The following CD81 variants were observed in gnomAD, a reference collection of about 807,000 sequenced individuals.
CD81 encodes the protein CD81 antigen.
Under a neutral mutation model 30.1 loss-of-function variants are expected in CD81, and 10 were observed. That is an observed-to-expected ratio of 0.33 (90% CI 0.21 to 0.56). The LOEUF is 0.56. Among genes scored for constraint, CD81 ranks in the 20% least tolerant of loss-of-function variants. CD81 has a pLI of 0.89. For missense variants in CD81, 263 were observed against 308.7 expected (o/e 0.85, Z 1.11); for synonymous variants, 147 against 126.4 (o/e 1.16, Z -1.10).
intron 6 of CD81, 28 bp downstream of exon 6, chr11:2,395,998 G>T (rs1470033925): frequency 1.3e-6 from 2 of 1,484,588 alleles, no homozygotes; most frequent in Non-Finnish European, 9.4e-7. Flanking sequence ...GGCCGCGCCT[G>T]ACCCCCCGCA....
At chr11:2,391,420 G>A (rs1052694459) in intron 2 of CD81, 1 of 152,602 alleles carries the variant, frequency 6.6e-6, no homozygotes, top group Non-Finnish European at 1.5e-5. Context: ...CAGGGCCCCA[G>A]GAGGCCGAAA....
At chr11:2,383,070 C>T (rs568450980) in intron 1 of CD81, among the ~76,000 whole-genome samples, 1 of 152,330 alleles carries the variant, frequency 6.6e-6, no homozygotes, top group East Asian at 1.9e-4. Context: ...GGAAGTGACT[C>T]CTCACATCCC....
At position 2,388,030 on chromosome 11, in the gene CD81, G is replaced by A. The variant is rs72556505; in HGVS notation, c.67-2382G>A. Among the ~76,000 whole-genome samples, 649 of 152,246 alleles carry A rather than the reference G, an allele frequency of 4.3e-3. 2 individuals are homozygous for A. Among genetic ancestry groups the A allele is most frequent in the South Asian group, 0.016 (76 of 4,820 alleles). On this transcript the variant is annotated intron_variant, in intron 1 of 7. Coordinates refer to ENST00000263645, the MANE Select transcript of CD81 (RefSeq NM_004356.4). ...TGGGGTGAGAGCCCCGTGGCTGCTG[G>A]CACCAGCAGCCCCTATGAGGCTTAT...
In CD81 at chr11:2,377,598, T is replaced by C. The variant is rs1046814935; in HGVS notation, c.49T>C (p.Phe17Leu). The part of the protein sequence containing the change: ...TKCIKYLLFV[F>L]NFVFWLAGGV... ...GTGCATCAAGTACCTGCTCTTCGTC[T>C]TCAATTTCGTCTTCTGGGTAAGGGC... Residue 17 changes from phenylalanine (F) to leucine (L), a missense_variant, in exon 1 of 8, where the codon TTC becomes CTC. Physicochemically the swap from Phe to Leu is conservative, Grantham distance 22. This residue lies in a region of CD81 where 84 missense variants were observed against 98.2 expected (regional missense o/e 0.86). Coordinates refer to ENST00000263645, the MANE Select transcript of CD81 (RefSeq NM_004356.4). This position sits in a 1 kb window ranked among gnomAD's most constrained non-coding sequence, Gnocchi z 7.7. 3.2e-6 allele frequency: 5 copies of C among 1,543,284 alleles called. No homozygotes were observed. The highest frequency in any genetic ancestry group is 3.7e-5 in the Admixed American group (2 of 54,134).
intron 1 of CD81, among the ~76,000 whole-genome samples, chr11:2,384,493 C>T (rs1589847410): frequency 2.6e-5 from 2 of 76,000 alleles, no homozygotes; most frequent in South Asian, 5.2e-4. Context: ...TGGGGTAGGG[C>T]GGCTTGTGGG....
chr11:2,385,960 T>C, intron 1 of CD81: 3 of 691,512 alleles, frequency 4.3e-6, no homozygotes, highest in Non-Finnish European at 8.2e-6. Context: ...TGGGTTTCAC[T>C]GCTTAAGCAG....
At chr11:2,392,108 C>T (rs964782326) in intron 2 of CD81, 3 of 152,256 alleles carry the variant, frequency 2.0e-5, no homozygotes. Flanking sequence ...GCCCCTGCCA[C>T]CGAGTCCCCT....
At chr11:2,380,513 C>T (rs1849687099) in intron 1 of CD81, among the ~76,000 whole-genome samples, 1 of 152,164 alleles carries the variant, frequency 6.6e-6, no homozygotes, top group South Asian at 2.1e-4. Flanking sequence ...AAGGTCTGGG[C>T]AGCATGCACC....
At chr11:2,380,213 C>A (rs1450073138) in intron 1 of CD81, among the ~76,000 whole-genome samples, 1 of 152,120 alleles carries the variant, frequency 6.6e-6, no homozygotes, top group African/African-American at 2.4e-5. Context: ...GGGAACCCTG[C>A]AGGGTCCAGA....
Position 2,378,147 on chromosome 11 carries a change from A to G in CD81, c.66+532A>G, listed in dbSNP as rs1205911753. The stretch of plus-strand genomic sequence containing the variant: ...GGGCGATCCGCCTCACTCTTTCCCC[A>G]GCCCAGCTCACTCTCCAATCTGCGG... On this transcript the variant is annotated intron_variant, in intron 1 of 7. Coordinates refer to ENST00000263645, the MANE Select transcript of CD81 (RefSeq NM_004356.4). The surrounding 1 kb of genome is among the most constrained non-coding windows in gnomAD (Gnocchi z 4.9). Among the ~76,000 whole-genome samples the G allele has an allele frequency of 6.6e-6, 1 of 151,936 alleles. No individual in the cohort carries two copies. Among genetic ancestry groups the G allele is most frequent in the African/African-American group, 2.4e-5 (1 of 41,378 alleles).
chr11:2,397,250 A>G lies in CD81; in HGVS notation c.*384A>G, dbSNP rs1439746294. 3 of 325,218 alleles carry G rather than the reference A, an allele frequency of 9.2e-6. No individual in the cohort carries two copies. Among genetic ancestry groups the G allele is most frequent in the African/African-American group, 4.3e-5 (2 of 46,258 alleles). 20.1% of individuals were successfully genotyped at this position (325,218 alleles called of 1,614,324 possible). A position where few individuals can be genotyped will look rare whatever the true frequency, so the allele number is the denominator to read the frequency against. ...GCCCGTCCTGTGGGCTGCACAGCTC[A>G]CCTTGTTCCCTCCTGCCCCGGTTCG... On this transcript the variant is annotated 3_prime_UTR_variant, in exon 8 of 8. Coordinates refer to ENST00000263645, the MANE Select transcript of CD81 (RefSeq NM_004356.4).
At chr11:2,395,632 T>A in intron 5 of CD81, 112 bp downstream of exon 5, 4 of 890,662 alleles carry the variant, frequency 4.5e-6, no homozygotes, top group Non-Finnish European at 7.2e-6. Flanking sequence ...GGAGGTGCCC[T>A]TGGGACCTCC....
intron 2 of CD81, chr11:2,390,942 AGGGGAGGGGT>A: frequency 6.7e-6 from 1 of 150,146 alleles, no homozygotes; most frequent in Admixed American, 9.3e-5. Context: ...GAGACGGGGC[AGGGGAGGGGT>A]GGAGAGGGGT....
chr11:2,390,882 C>T (rs1049479028), intron 2 of CD81, among the ~76,000 whole-genome samples: 3 of 96,118 alleles, frequency 3.1e-5, no homozygotes, highest in East Asian at 6.7e-4. Context: ...CTGTGGAGCC[C>T]GGGAGGGAGG....
intron 1 of CD81, chr11:2,386,780 C>T: frequency 3.1e-6 from 2 of 642,808 alleles, no homozygotes; most frequent in Non-Finnish European, 2.9e-6. Flanking sequence ...TCCCTCCCAC[C>T]CCCTCCTGGC....
intron 5 of CD81, 31 bp from the exon 6 acceptor site, chr11:2,395,827 TGGGCACATCCA>T: frequency 7.2e-7 from 1 of 1,389,436 alleles, no homozygotes; most frequent in Non-Finnish European, 1.0e-6. Flanking sequence ...ACCGTCCCCC[TGGGCACATCCA>T]GGGCTGACCT....
intron 4 of CD81, 133 bp from the exon 5 acceptor site, chr11:2,395,283 T>C (rs1164413774): frequency 2.2e-5 from 17 of 782,076 alleles, no homozygotes; most frequent in Non-Finnish European, 3.5e-5. Flanking sequence ...AGAGTCCTTG[T>C]CCTCTGGGGT....
Position 2,377,693 on chromosome 11 carries a change from T to C in CD81, c.66+78T>C. On this transcript the variant is annotated intron_variant, in intron 1 of 7. Coordinates refer to ENST00000263645, the MANE Select transcript of CD81 (RefSeq NM_004356.4). This position sits in a 1 kb window ranked among gnomAD's most constrained non-coding sequence, Gnocchi z 7.7. ...TTGGGCAGGTCCCGCGGCAGCGTGC[T>C]AGGCCCCGCGGGCGCAGCGCGGGCC... The C allele has an allele frequency of 1.0e-6, 1 of 971,118 alleles. No individual in the cohort carries two copies. The highest frequency in any genetic ancestry group is 1.4e-6 in the Non-Finnish European group (1 of 691,078). 60.2% of individuals were successfully genotyped at this position (971,118 alleles called of 1,614,324 possible). A position where few individuals can be genotyped will look rare whatever the true frequency, so the allele number is the denominator to read the frequency against.
At chr11:2,382,866 A>G (rs1290079731) in intron 1 of CD81, among the ~76,000 whole-genome samples, 1 of 152,108 alleles carries the variant, frequency 6.6e-6, no homozygotes, top group Non-Finnish European at 1.5e-5. Context: ...CCCGAGTGGG[A>G]CCCCAGGGGT....
Sources: allele counts gnomAD v4.1 joint callset (sites outside exome capture counted in the v4.1 genomes callset), GRCh38; gene constraint gnomAD v4.1.1; regional missense constraint gnomAD v4.1.1; non-coding constraint Gnocchi (gnomAD v3.1); transcripts MANE v1.5; gene names NCBI Gene and HGNC (gene_info 2026-07-23, HGNC 2026-07-21).